Variants in THAP6 observed in about 807,000 individuals in gnomAD.
THAP6 encodes the protein THAP domain-containing protein 6.
Under a neutral mutation model 20.0 loss-of-function variants are expected in THAP6, and 13 were observed. The observed-to-expected ratio is 0.65, with a 90% CI of 0.42 to 1.03. THAP6 has a LOEUF of 1.03. Among genes scored for constraint, THAP6 ranks in the 50% least tolerant of loss-of-function variants. The probability of loss-of-function intolerance (pLI) is 0.00; values close to 1 mark genes in which losing one functional copy is unlikely to be tolerated. For missense variants in THAP6, 262 were observed against 261.6 expected (o/e 1.00, Z -0.01); for synonymous variants, 93 against 92.2 (o/e 1.01, Z -0.05).
rs1001893656 is a variant in THAP6, at chr4:75,528,324, A to G, written c.*1110A>G. ...TCTCATAAATTTAGCTTTTGTCATA[A>G]TTCCTTACCGAAAACAACTGAAATT... On this transcript the variant is annotated 3_prime_UTR_variant, in exon 5 of 5. Transcript: ENST00000311638. 3 of 985,320 alleles carry G rather than the reference A, an allele frequency of 3.0e-6. No homozygotes were observed. Among genetic ancestry groups the G allele is most frequent in the Admixed American group, 1.2e-4 (2 of 16,264 alleles). The allele number at this position is 985,320 out of a possible 1,614,324, so 61.0% of individuals were successfully genotyped here. A position where few individuals can be genotyped will look rare whatever the true frequency, so the allele number is the denominator to read the frequency against.
At position 75,529,936 on chromosome 4, in the gene THAP6, T is replaced by A. The variant is rs1001561571; in HGVS notation, c.*2722T>A. On this transcript the variant is annotated 3_prime_UTR_variant, in exon 5 of 5. Coordinates refer to ENST00000311638, the MANE Select transcript of THAP6 (RefSeq NM_144721.6). ...GAAATGTATTTAATATATATTTAGT[T>A]TTAATAAAAAGATAAAATTATTACA... The A allele has an allele frequency of 2.3e-6, 2 of 882,558 alleles. No individual in the cohort carries two copies. Among genetic ancestry groups the A allele is most frequent in the African/African-American group, 1.8e-5 (1 of 55,186 alleles). 54.7% of individuals were successfully genotyped at this position (882,558 alleles called of 1,614,324 possible).
intron 2 of THAP6, 131 bp from the exon 3 acceptor site, chr4:75,516,641 A>G (rs1239063234): frequency 2.7e-6 from 2 of 746,838 alleles, no homozygotes; most frequent in East Asian, 2.7e-5. Context: ...ATGGTTTCCT[A>G]AATATTATAA....
In THAP6 at chr4:75,527,062, T is replaced by A; in HGVS notation, c.517T>A (p.Leu173Ile). The A allele has an allele frequency of 6.2e-7, 1 of 1,614,104 alleles. No individual in the cohort carries two copies. The highest frequency in any genetic ancestry group is 8.5e-7 in the Non-Finnish European group (1 of 1,179,992). The change falls in exon 5 of 5, where the codon TTA (leucine) becomes ATA (isoleucine). Residue 173 changes from leucine (L) to isoleucine (I), a missense_variant. Transcript: ENST00000311638. Reference sequence around the variant, plus strand: ...TACAAAGGAAAGTCTACGGAATGTTTTAGACCGAGAAAAACGTTTTCAGAA... The same window carrying A: ...TACAAAGGAAAGTCTACGGAATGTTATAGACCGAGAAAAACGTTTTCAGAA... Reference protein sequence around the residue: ...EDTKESLRNVLDREKRFQKSL... With the variant: ...EDTKESLRNVIDREKRFQKSL...
At chr4:75,524,652 C>T (rs977136381) in intron 4 of THAP6, among the ~76,000 whole-genome samples, 1 of 152,074 alleles carries the variant, frequency 6.6e-6, no homozygotes, top group African/African-American at 2.4e-5. Context: ...CTTACATGCA[C>T]CATTTCTAAT....
intron 3 of THAP6, chr4:75,517,804 TTC>T (rs1349862672): frequency 6.6e-6 from 1 of 152,288 alleles, no homozygotes. Context: ...TCCATGTTTT[TTC>T]TGGGTAATAT....
chr4:75,528,595 A>T lies in THAP6; in HGVS notation c.*1381A>T. On this transcript the variant is annotated 3_prime_UTR_variant, in exon 5 of 5. Coordinates refer to ENST00000311638, the MANE Select transcript of THAP6 (RefSeq NM_144721.6). ...TGGTCACTTGAATTTTTTGTATTTAAGAATTTTCTGTTTTAATGCATGTTA... is the reference window on the plus strand; with the variant it reads ...TGGTCACTTGAATTTTTTGTATTTATGAATTTTCTGTTTTAATGCATGTTA... 1 of 984,382 alleles carries T rather than the reference A, an allele frequency of 1.0e-6. No homozygotes were observed. Among genetic ancestry groups the T allele is most frequent in the Non-Finnish European group, 1.2e-6 (1 of 829,004 alleles). 61.0% of individuals were successfully genotyped at this position (984,382 alleles called of 1,614,324 possible). A position where few individuals can be genotyped will look rare whatever the true frequency, so the allele number is the denominator to read the frequency against.
chr4:75,521,634 A>G, intron 3 of THAP6, 102 bp from the exon 4 acceptor site: 1 of 1,214,152 alleles, frequency 8.2e-7, no homozygotes, highest in South Asian at 2.0e-5. Flanking sequence ...CCATGAAAAG[A>G]AATGTGGTAT....
chr4:75,514,076 G>C (rs959322661), upstream of THAP6: 1 of 1,464,064 alleles, frequency 6.8e-7, no homozygotes, highest in African/African-American at 1.4e-5. Flanking sequence ...GTTCCAGGTG[G>C]AAAAGGTATC....
At chr4:75,533,971 TCA>T (rs1726777554), downstream of THAP6, among the ~76,000 whole-genome samples, 1 of 151,804 alleles carries the variant, frequency 6.6e-6, no homozygotes, top group African/African-American at 2.4e-5. Context: ...CCAGGTGTTC[TCA>T]TTGTTCAATT....
At chr4:75,538,204 A>T (rs1435269082) in intron 2 of THAP6, among the ~76,000 whole-genome samples, 1 of 152,228 alleles carries the variant, frequency 6.6e-6, no homozygotes, top group Non-Finnish European at 1.5e-5. Flanking sequence ...GCATTAAAAA[A>T]TATCCTGAAA....
intron 3 of THAP6, among the ~76,000 whole-genome samples, chr4:75,520,621 A>G (rs1451473485): frequency 5.3e-5 from 8 of 152,192 alleles, no homozygotes; most frequent in African/African-American, 1.9e-4. Context: ...TAAAATGAAC[A>G]TTATTGTAGC....
At position 75,527,433 on chromosome 4, in the gene THAP6, T is replaced by C; in HGVS notation, c.*219T>C. The C allele has an allele frequency of 7.4e-7, 1 of 1,348,268 alleles. No individual in the cohort carries two copies. Among genetic ancestry groups the C allele is most frequent in the South Asian group, 1.8e-5 (1 of 54,360 alleles). 83.5% of individuals were successfully genotyped at this position (1,348,268 alleles called of 1,614,324 possible). A position where few individuals can be genotyped will look rare whatever the true frequency, so the allele number is the denominator to read the frequency against. On this transcript the variant is annotated 3_prime_UTR_variant, in exon 5 of 5. Transcript: ENST00000311638. ...TTGTGACAATTATGTTTTATAGACC[T>C]ACACTAGTGCCAGGTCACTATTGTA...
Position 75,527,466 on chromosome 4 carries a change from A to G in THAP6, c.*252A>G. The G allele has an allele frequency of 8.0e-7, 1 of 1,256,828 alleles. No homozygotes were observed. The highest frequency in any genetic ancestry group is 1.0e-6 in the Non-Finnish European group (1 of 998,202). 77.9% of individuals were successfully genotyped at this position (1,256,828 alleles called of 1,614,324 possible). ...TGCCAGGTCACTATTGTAAGATGTT[A>G]AAATCTCAAGAAAATTTCACAGAGC... On this transcript the variant is annotated 3_prime_UTR_variant, in exon 5 of 5. Coordinates refer to ENST00000311638, the MANE Select transcript of THAP6 (RefSeq NM_144721.6).
downstream of THAP6, among the ~76,000 whole-genome samples, chr4:75,533,662 G>C (rs1341102854): frequency 6.6e-6 from 1 of 152,156 alleles, no homozygotes; most frequent in East Asian, 1.9e-4. Context: ...TCACAATCAT[G>C]GTGGAAGGCA....
At chr4:75,517,419 G>A (rs1275817484) in intron 3 of THAP6, 1 of 155,692 alleles carries the variant, frequency 6.4e-6, no homozygotes, top group Non-Finnish European at 1.4e-5. Context: ...TTTTAAATTT[G>A]TAGACTGCAT....
At chr4:75,541,179 C>T (rs532975630) in intron 2 of THAP6, among the ~76,000 whole-genome samples, 2 of 152,206 alleles carry the variant, frequency 1.3e-5, no homozygotes, top group African/African-American at 2.4e-5. Flanking sequence ...GTATGTGCCA[C>T]GTGAGGGCTA....
Position 75,530,025 on chromosome 4 carries a change from A to C in THAP6, c.*2811A>C. ...TGAAAAATAAAACATTTTATCCAGT[A>C]ATGTGTTATGTGGTTTTATACATTG... On this transcript the variant is annotated 3_prime_UTR_variant, in exon 5 of 5. Transcript: ENST00000311638. 1.0e-6 allele frequency: 1 copy of C among 969,392 alleles called. No individual in the cohort carries two copies. The highest frequency in any genetic ancestry group is 1.2e-6 in the Non-Finnish European group (1 of 815,356). 60.0% of individuals were successfully genotyped at this position (969,392 alleles called of 1,614,324 possible).
intron 2 of THAP6, chr4:75,540,062 C>G: frequency 1.5e-6 from 2 of 1,298,036 alleles, no homozygotes; most frequent in South Asian, 3.0e-5. Flanking sequence ...TCACCATCCT[C>G]CTCTTCATCC....
At chr4:75,537,120 A>T (rs1726879749) in intron 2 of THAP6, among the ~76,000 whole-genome samples, 1 of 152,160 alleles carries the variant, frequency 6.6e-6, no homozygotes, top group African/African-American at 2.4e-5. Flanking sequence ...GTCAAAAAAA[A>T]ATATGAGTAT....
Sources: allele counts gnomAD v4.1 joint callset (sites outside exome capture counted in the v4.1 genomes callset), GRCh38; gene constraint gnomAD v4.1.1; transcripts MANE v1.5; gene names NCBI Gene and HGNC (gene_info 2026-07-23, HGNC 2026-07-21).